SDK1: variants seen among roughly 807,000 people sequenced by gnomAD.
SDK1 encodes the protein sidekick cell adhesion molecule 1.
A neutral mutation model predicts 245.5 loss-of-function variants in SDK1; 157 were observed. The ratio of observed to expected loss-of-function variants is 0.64; its 90% confidence interval spans 0.56 to 0.73. SDK1 has a LOEUF of 0.73. Among genes scored for constraint, SDK1 ranks in the 30% least tolerant of loss-of-function variants. SDK1 has a pLI of 0.00. For synonymous variants in SDK1, 1,647 were observed against 1,278.5 expected (o/e 1.29, Z -6.15); for missense variants, 3,583 against 3,002.3 (o/e 1.19, Z -4.52).
chr7:4,267,120 A>C lies in SDK1; in HGVS notation c.*1736A>C, dbSNP rs2128246513. 24 of 983,870 alleles carry C rather than the reference A, an allele frequency of 2.4e-5. No individual in the cohort carries two copies. The highest frequency in any genetic ancestry group is 2.9e-5 in the Non-Finnish European group (24 of 829,586). 60.9% of individuals were successfully genotyped at this position (983,870 alleles called of 1,614,324 possible). A position where few individuals can be genotyped will look rare whatever the true frequency, so the allele number is the denominator to read the frequency against. On this transcript the variant is annotated 3_prime_UTR_variant, in exon 45 of 45. Coordinates refer to ENST00000404826, the MANE Select transcript of SDK1 (RefSeq NM_152744.4). Reference sequence around the variant, plus strand: ...AGGAGAGTTTTGTATAGGCTGGAAAACCCCTTTTCAGTCTTTCCAAAATTA... The same window carrying C: ...AGGAGAGTTTTGTATAGGCTGGAAACCCCCTTTTCAGTCTTTCCAAAATTA...
intron 1 of SDK1, among the ~76,000 whole-genome samples, chr7:3,576,142 A>G (rs1780282529): frequency 6.6e-6 from 1 of 152,144 alleles, no homozygotes; most frequent in Non-Finnish European, 1.5e-5. Context: ...TGTCATCAGA[A>G]TTTTCTACTA....
rs760558273 is a variant in SDK1, at chr7:4,208,121, G to C, written c.5237G>C (p.Ser1746Thr). The stretch of plus-strand genomic sequence containing the variant: ...CAGATTTACTACTGGGAGGCAGACA[G>C]CCAGAACGAAACGGAGAAAATGAAG... ...GYKIYYWEAD[S>T]QNETEKMKVL... Residue 1746 changes from serine (S) to threonine (T), a missense_variant, in exon 37 of 45, where the codon AGC becomes ACC. Transcript: ENST00000404826. 6 of 1,613,752 alleles carry C rather than the reference G, an allele frequency of 3.7e-6. No individual in the cohort carries two copies. In the East Asian group the frequency reaches 1.1e-4, roughly 30 times the overall value.
intron 5 of SDK1, among the ~76,000 whole-genome samples, chr7:3,841,307 A>C (rs1009245689): frequency 1.3e-5 from 2 of 152,204 alleles, no homozygotes; most frequent in African/African-American, 4.8e-5. Context: ...TGTTTGATCC[A>C]GCAGAACGGA....
At chr7:3,709,957 A>G (rs1784998079) in intron 4 of SDK1, among the ~76,000 whole-genome samples, 1 of 152,178 alleles carries the variant, frequency 6.6e-6, no homozygotes, top group Admixed American at 6.5e-5. Context: ...CGAGACTTAA[A>G]TGTTCTCTCT....
At chr7:3,801,897 A>G (rs980662465) in intron 4 of SDK1, among the ~76,000 whole-genome samples, 1 of 152,192 alleles carries the variant, frequency 6.6e-6, no homozygotes, top group East Asian at 1.9e-4. Context: ...CTCCAGTGAG[A>G]ACTCTCTGCT....
intron 14 of SDK1, among the ~76,000 whole-genome samples, chr7:3,992,779 G>A (rs755605315): frequency 3.0e-4 from 45 of 152,260 alleles, no homozygotes; most frequent in Admixed American, 5.2e-4. Flanking sequence ...ATAGGGACCC[G>A]CGCTTTCCAT....
Position 3,447,699 on chromosome 7 carries a change from C to CTTTTTTTTTTTTTTTTTTTTTTTTT in SDK1, c.298+145837_298+145838insTTTTTTTTTTTTTTTTTTTTTTTTT, listed in dbSNP as rs56137514. On this transcript the variant is annotated intron_variant, in intron 1 of 44. Coordinates refer to ENST00000404826, the MANE Select transcript of SDK1 (RefSeq NM_152744.4). ...ACGGTAAATATCTTAGCTTATATAT[C>CTTTTTTTTTTTTTTTTTTTTTTTTT]TTTTTTTTTTTTTTTTTTTTTTGAG... Among the ~76,000 whole-genome samples, 2 of 89,554 alleles carry CTTTTTTTTTTTTTTTTTTTTTTTTT rather than the reference C, an allele frequency of 2.2e-5. 1 individual carries two copies. Among genetic ancestry groups the CTTTTTTTTTTTTTTTTTTTTTTTTT allele is most frequent in the African/African-American group, 8.6e-5 (2 of 23,144 alleles). The allele number at this position is 89,554 out of a possible 152,430, so 58.8% of individuals were successfully genotyped here.
chr7:3,995,410 T>A (rs995790855), intron 14 of SDK1, among the ~76,000 whole-genome samples: 2 of 151,188 alleles, frequency 1.3e-5, no homozygotes, highest in Non-Finnish European at 3.0e-5. Context: ...ATCCCCTCCC[T>A]TGGGGGCGCT....
At chr7:3,727,071 A>G (rs975392418) in intron 4 of SDK1, among the ~76,000 whole-genome samples, 1 of 152,248 alleles carries the variant, frequency 6.6e-6, no homozygotes, top group African/African-American at 2.4e-5. Flanking sequence ...TATAGGCATG[A>G]CATGCTTCTG....
chr7:3,852,694 T>G (rs1780447954), intron 5 of SDK1, among the ~76,000 whole-genome samples: 2 of 128,196 alleles, frequency 1.6e-5, no homozygotes, highest in Non-Finnish European at 3.1e-5. Flanking sequence ...GAGGTTGCAG[T>G]GAGCCGAGAT....
intron 22 of SDK1, among the ~76,000 whole-genome samples, chr7:4,080,030 G>A (rs1209869532): frequency 1.3e-5 from 2 of 152,206 alleles, no homozygotes; most frequent in East Asian, 3.8e-4. Context: ...GGGGGCTATT[G>A]CAGTAGACAA....
chr7:3,840,069 C>T (rs1780120034), intron 5 of SDK1, among the ~76,000 whole-genome samples: 1 of 152,040 alleles, frequency 6.6e-6, no homozygotes, highest in Admixed American at 6.6e-5. Context: ...AAAAGAGTGA[C>T]CTAAAATTTT....
intron 41 of SDK1, among the ~76,000 whole-genome samples, chr7:4,237,177 C>G (rs1380228588): frequency 6.6e-6 from 1 of 152,122 alleles, no homozygotes; most frequent in Non-Finnish European, 1.5e-5. Context: ...CAGGCACACG[C>G]CTCTGTGCCT....
intron 5 of SDK1, among the ~76,000 whole-genome samples, chr7:3,897,307 C>T (rs568287229): frequency 6.6e-6 from 1 of 152,298 alleles, no homozygotes; most frequent in Admixed American, 6.5e-5. Context: ...ATTTCCAGAA[C>T]ATTTCCAGCT....
At chr7:3,517,781 C>A (rs1782799883) in intron 1 of SDK1, among the ~76,000 whole-genome samples, 2 of 152,090 alleles carry the variant, frequency 1.3e-5, no homozygotes, top group East Asian at 3.8e-4. Flanking sequence ...TAAAGAATTG[C>A]CTGTGCATTT....
intron 22 of SDK1, among the ~76,000 whole-genome samples, chr7:4,094,500 C>T (rs573250247): frequency 5.3e-5 from 8 of 152,328 alleles, no homozygotes; most frequent in Admixed American, 5.2e-4. Flanking sequence ...CTGTGCTAGG[C>T]ACAGGGGCCT....
intron 5 of SDK1, among the ~76,000 whole-genome samples, chr7:3,940,968 G>A (rs1473637903): frequency 6.6e-6 from 1 of 151,616 alleles, no homozygotes; most frequent in Admixed American, 6.6e-5. Context: ...TGCGCACCTG[G>A]GTACCCCGCA....
At chr7:3,573,768 G>C (rs977414516) in intron 1 of SDK1, among the ~76,000 whole-genome samples, 2 of 151,998 alleles carry the variant, frequency 1.3e-5, no homozygotes, top group African/African-American at 4.8e-5. Context: ...ATAACATTGT[G>C]ATTTTTGACC....
At chr7:3,712,022 C>T (rs1271042897) in intron 4 of SDK1, among the ~76,000 whole-genome samples, 1 of 152,168 alleles carries the variant, frequency 6.6e-6, no homozygotes, top group Admixed American at 6.5e-5. Flanking sequence ...TAAGAACATG[C>T]ATGTGAAACG....
Sources: gnomAD v4.1 joint callset for allele counts (sites outside exome capture counted in the v4.1 genomes callset) on GRCh38, gnomAD v4.1.1 for gene constraint, MANE v1.5 for transcripts, NCBI Gene and HGNC (gene_info 2026-07-23, HGNC 2026-07-21) for gene names.